The following FREM2 variants were observed in gnomAD, a reference collection of about 807,000 sequenced individuals.
The protein encoded by FREM2 is FRAS1-related extracellular matrix protein 2.
In FREM2, 119 loss-of-function variants were observed where a neutral mutation model predicts 219.9. The observed-to-expected ratio is 0.54, with a 90% CI of 0.47 to 0.63. FREM2 has a LOEUF of 0.63. Ranked by LOEUF, FREM2 falls within the 30% of genes least tolerant of loss-of-function variation. FREM2 has a pLI of 0.00. For missense variants in FREM2, 4,030 were observed against 3,993.6 expected (o/e 1.01, Z -0.25); for synonymous variants, 1,562 against 1,522.8 (o/e 1.03, Z -0.60).
chr13:38,832,931 C>T (rs1366252625), intron 6 of FREM2, among the ~76,000 whole-genome samples: 2 of 151,948 alleles, frequency 1.3e-5, no homozygotes, highest in Non-Finnish European at 2.9e-5. Flanking sequence ...CCCAGCTACT[C>T]AGGAGGCTGA....
chr13:38,812,710 G>A (rs1052278244), intron 6 of FREM2, among the ~76,000 whole-genome samples: 1 of 151,858 alleles, frequency 6.6e-6, no homozygotes, highest in African/African-American at 2.4e-5. Flanking sequence ...GTGAAACCCT[G>A]TCTCTACAAT....
rs116471831 is a variant in FREM2, at chr13:38,731,659, G to A, written c.5264-32645G>A. Among the ~76,000 whole-genome samples, 1,478 of 152,232 alleles carry A rather than the reference G, an allele frequency of 9.7e-3. 22 individuals carry two copies. The highest frequency in any genetic ancestry group is 0.034 in the African/African-American group (1,393 of 41,530). ...CTTCACTAATCACAGATCATTATTA[G>A]TATTGCGTTCAAGATGCTGCACTTG... On this transcript the variant is annotated intron_variant, in intron 2 of 23. Coordinates refer to ENST00000280481, the MANE Select transcript of FREM2 (RefSeq NM_207361.6).
intron 6 of FREM2, among the ~76,000 whole-genome samples, chr13:38,841,531 G>C (rs1244872083): frequency 6.6e-6 from 1 of 151,634 alleles, no homozygotes; most frequent in African/African-American, 2.4e-5. Flanking sequence ...TCCTATTTGG[G>C]AACCAGTGAA....
At chr13:38,702,309 A>C (rs1372154018) in intron 2 of FREM2, among the ~76,000 whole-genome samples, 1 of 152,162 alleles carries the variant, frequency 6.6e-6, no homozygotes, top group Non-Finnish European at 1.5e-5. Context: ...AGAAAAAAAA[A>C]CTTGTCGGTT....
intron 2 of FREM2, among the ~76,000 whole-genome samples, chr13:38,755,273 A>G (rs575246824): frequency 3.3e-5 from 5 of 152,184 alleles, no homozygotes; most frequent in Non-Finnish European, 7.4e-5. Context: ...GTTGCCCAAC[A>G]TCTGCACAGC....
intron 6 of FREM2, among the ~76,000 whole-genome samples, chr13:38,793,575 A>C (rs1485610193): frequency 6.6e-6 from 1 of 152,220 alleles, no homozygotes; most frequent in East Asian, 1.9e-4. Flanking sequence ...CATATAAAAG[A>C]GTTGTGTTTC....
chr13:38,690,832 T>A lies in FREM2; in HGVS notation c.3488T>A (p.Phe1163Tyr), dbSNP rs183364143. 191 of 1,614,124 alleles carry A rather than the reference T, an allele frequency of 1.2e-4. 1 individual carries two copies. Among genetic ancestry groups the A allele is most frequent in the South Asian group, 3.3e-5 (3 of 91,074 alleles). Reference protein sequence around the residue: ...HKGVEPVEDRFVFRCSDGINF... With the variant: ...HKGVEPVEDRYVFRCSDGINF... ...GGGGTGGAACCTGTGGAGGACCGAT[T>A]TGTATTTCGTTGTTCTGATGGCATT... The change falls in exon 1 of 24, where the codon TTT (phenylalanine) becomes TAT (tyrosine). Residue 1163 changes from phenylalanine to tyrosine, a missense_variant. Coordinates refer to ENST00000280481, the MANE Select transcript of FREM2 (RefSeq NM_207361.6).
At chr13:38,714,160 G>A (rs1198408960) in intron 2 of FREM2, among the ~76,000 whole-genome samples, 1 of 152,234 alleles carries the variant, frequency 6.6e-6, no homozygotes, top group Non-Finnish European at 1.5e-5. Flanking sequence ...GTAAAGCACC[G>A]TGCCATGCAC....
At chr13:38,798,828 C>T (rs1874894092) in intron 6 of FREM2, among the ~76,000 whole-genome samples, 1 of 151,798 alleles carries the variant, frequency 6.6e-6, no homozygotes. Flanking sequence ...TTCCTTCTTC[C>T]TTTCTGATTT....
chr13:38,687,894 C>G lies in FREM2; in HGVS notation c.550C>G (p.Arg184Gly), dbSNP rs746548251. The G allele has an allele frequency of 1.9e-6, 3 of 1,586,132 alleles. No individual in the cohort carries two copies. Among genetic ancestry groups the G allele is most frequent in the South Asian group, 2.3e-5 (2 of 88,122 alleles). Residue 184 changes from arginine (R) to glycine (G), a missense_variant, in exon 1 of 24, where the codon CGG becomes GGG. Coordinates refer to ENST00000280481, the MANE Select transcript of FREM2 (RefSeq NM_207361.6). The part of the protein sequence containing the change: ...VVFTQLEVVT[R>G]NLPLVVEELL... ...CTTCACCCAGCTGGAGGTTGTGACT[C>G]GGAACTTGCCTCTGGTCGTGGAAGA...
intron 6 of FREM2, among the ~76,000 whole-genome samples, chr13:38,845,068 A>G (rs1461828979): frequency 1.3e-5 from 2 of 148,786 alleles, no homozygotes; most frequent in Non-Finnish European, 3.0e-5. Context: ...AGGGACATTT[A>G]TCACCCCCGA....
At chr13:38,853,861 A>T (rs867102513) in intron 11 of FREM2, among the ~76,000 whole-genome samples, 1 of 152,186 alleles carries the variant, frequency 6.6e-6, no homozygotes, top group Non-Finnish European at 1.5e-5. Context: ...TATTGATAAC[A>T]TGACTTTTAA....
intron 6 of FREM2, among the ~76,000 whole-genome samples, chr13:38,791,612 A>C (rs1874564425): frequency 6.6e-6 from 1 of 152,096 alleles, no homozygotes; most frequent in Non-Finnish European, 1.5e-5. Flanking sequence ...AGCAAAGGGG[A>C]AACCCCTTAT....
intron 2 of FREM2, among the ~76,000 whole-genome samples, chr13:38,726,093 G>T (rs530795478): frequency 6.6e-6 from 1 of 152,288 alleles, no homozygotes; most frequent in Non-Finnish European, 1.5e-5. Context: ...TCCATGGAGA[G>T]GCACCGGTGT....
rs569945443 is a variant in FREM2, at chr13:38,798,469, A to G, written c.6019+13661A>G. Among the ~76,000 whole-genome samples the G allele has an allele frequency of 7.2e-5, 11 of 152,176 alleles. No individual in the cohort carries two copies. In the East Asian group the frequency reaches 1.2e-3, roughly 16 times the overall value. Reference sequence around the variant, plus strand: ...CTTATTTGGTTTTGAAATCAGGGTAATACTGTCCTGATAATGATTTTGGAA... The same window carrying G: ...CTTATTTGGTTTTGAAATCAGGGTAGTACTGTCCTGATAATGATTTTGGAA... On this transcript the variant is annotated intron_variant, in intron 6 of 23. Transcript: ENST00000280481.
chr13:38,861,668 T>A (rs1418883462), intron 15 of FREM2, 106 bp downstream of exon 15: 14 of 1,280,498 alleles, frequency 1.1e-5, no homozygotes, highest in Non-Finnish European at 1.6e-5. Context: ...AACGTTCAAT[T>A]TGCAACTTGA....
chr13:38,753,698 T>C (rs1322019994), intron 2 of FREM2, among the ~76,000 whole-genome samples: 1 of 152,256 alleles, frequency 6.6e-6, no homozygotes, highest in Non-Finnish European at 1.5e-5. Flanking sequence ...TGAGAGTTCA[T>C]GTTGCAGTTA....
intron 12 of FREM2, 78 bp downstream of exon 12, chr13:38,856,334 A>G (rs1032295606): frequency 2.3e-6 from 3 of 1,330,282 alleles, no homozygotes; most frequent in Non-Finnish European, 3.2e-6. Flanking sequence ...CACATAGTGT[A>G]CAACAAAATG....
chr13:38,746,462 C>T (rs1055258201), intron 2 of FREM2, among the ~76,000 whole-genome samples: 15 of 152,286 alleles, frequency 9.8e-5, no homozygotes, highest in Middle Eastern at 3.4e-3. Context: ...AGCTGAATCT[C>T]TCTCCCTAGA....
Sources: gnomAD v4.1 joint callset for allele counts (sites outside exome capture counted in the v4.1 genomes callset) on GRCh38, gnomAD v4.1.1 for gene constraint, MANE v1.5 for transcripts, NCBI Gene and HGNC (gene_info 2026-07-23, HGNC 2026-07-21) for gene names.